The following PYGB variants were observed in gnomAD, a reference collection of about 807,000 sequenced individuals.
PYGB encodes the protein glycogen phosphorylase B.
A neutral mutation model predicts 94.3 loss-of-function variants in PYGB; 82 were observed. The observed-to-expected ratio is 0.87, with a 90% CI of 0.73 to 1.04. The LOEUF is 1.04. Among genes scored for constraint, PYGB ranks in the 50% least tolerant of loss-of-function variants. The pLI is 0.00. For synonymous variants in PYGB, 488 were observed against 479.1 expected (o/e 1.02, Z -0.24); for missense variants, 1,132 against 1,158.2 (o/e 0.98, Z 0.33).
intron 11 of PYGB, 30 bp from the exon 12 acceptor site, chr20:25,282,003 G>T (rs202153402): frequency 6.4e-7 from 1 of 1,560,518 alleles, no homozygotes; most frequent in Non-Finnish European, 8.8e-7. Flanking sequence ...CACAGCATTT[G>T]TGACAGTTCC....
chr20:25,284,468 G>A (rs1044882928), intron 14 of PYGB, among the ~76,000 whole-genome samples: 4 of 152,170 alleles, frequency 2.6e-5, no homozygotes, highest in Non-Finnish European at 4.4e-5. Flanking sequence ...TTAGACACCC[G>A]AAAGGCCCAG....
chr20:25,292,451 C>T lies in PYGB; in HGVS notation c.2015C>T (p.Thr672Ile), dbSNP rs772770448. 1 of 1,613,366 alleles carries T rather than the reference C, an allele frequency of 6.2e-7. No homozygotes were observed. Among genetic ancestry groups the T allele is most frequent in the Non-Finnish European group, 8.5e-7 (1 of 1,180,012 alleles). Residue 672 changes from threonine to isoleucine, a missense_variant, in exon 17 of 20, where the codon ACC (threonine) becomes ATC (isoleucine). Thr to Ile is a moderately conservative substitution (Grantham distance 89, BLOSUM62 -1). Coordinates refer to ENST00000216962, the MANE Select transcript of PYGB (RefSeq NM_002862.4). Reference sequence around the variant, plus strand: ...TCGCAGCAGATCTCCACTGCAGGCACCGAGGCCTCAGGCACAGGCAACATG... The same window carrying T: ...TCGCAGCAGATCTCCACTGCAGGCATCGAGGCCTCAGGCACAGGCAACATG... ...DLSQQISTAG[T>I]EASGTGNMKF... is the part of the protein sequence containing the mutation.
chr20:25,276,539 G>C lies in PYGB; in HGVS notation c.661-107G>C, dbSNP rs2088312387. On this transcript the variant is annotated intron_variant, in intron 5 of 19. Coordinates refer to ENST00000216962, the MANE Select transcript of PYGB (RefSeq NM_002862.4). ...TTGGGCAGAAGGGGGAGACGGTGGG[G>C]GGCCAGCAGGGCGCCAGGTGCCCAG... The C allele has an allele frequency of 1.5e-5, 13 of 849,008 alleles. No individual in the cohort carries two copies. The South Asian group carries it at 1.9e-4, about 13-fold the overall frequency. The allele number at this position is 849,008 out of a possible 1,614,324, so 52.6% of individuals were successfully genotyped here.
intron 9 of PYGB, among the ~76,000 whole-genome samples, chr20:25,279,650 G>A (rs1264875145): frequency 3.9e-5 from 6 of 152,000 alleles, no homozygotes; most frequent in Admixed American, 6.6e-5. Flanking sequence ...GCTTGAGGCC[G>A]GAAGTTAGAG....
chr20:25,268,161 G>GCCCCAC (rs1555806063), intron 2 of PYGB, among the ~76,000 whole-genome samples: 2 of 62,038 alleles, frequency 3.2e-5, no homozygotes, highest in Non-Finnish European at 6.2e-5. Context: ...CCTAGCACCC[G>GCCCCAC]CCCCCCCCCC....
chr20:25,248,606 C>A (rs1198864212), intron 1 of PYGB, among the ~76,000 whole-genome samples, 185 bp downstream of exon 1: 1 of 151,976 alleles, frequency 6.6e-6, no homozygotes, highest in African/African-American at 2.4e-5. Flanking sequence ...CCGGGCGTCC[C>A]CTGCGCAGGG....
chr20:25,278,274 A>G, intron 7 of PYGB, 45 bp from the exon 8 acceptor site: 1 of 1,584,746 alleles, frequency 6.3e-7, no homozygotes, highest in Non-Finnish European at 8.6e-7. Context: ...CTGGGGGAGG[A>G]GAATGGCCCA....
intron 1 of PYGB, among the ~76,000 whole-genome samples, chr20:25,255,358 G>A (rs1365664752): frequency 6.6e-6 from 1 of 152,224 alleles, no homozygotes; most frequent in Non-Finnish European, 1.5e-5. Context: ...TCACCAGCAG[G>A]AGCCAGCAGG....
chr20:25,270,253 A>C (rs1456264169), intron 3 of PYGB, among the ~76,000 whole-genome samples: 3 of 134,800 alleles, frequency 2.2e-5, no homozygotes, highest in Non-Finnish European at 4.6e-5. Flanking sequence ...GCCAGGCTGG[A>C]GTGCAGTGGG....
intron 1 of PYGB, among the ~76,000 whole-genome samples, chr20:25,256,932 T>TA (rs1399118947): frequency 2.0e-5 from 3 of 152,094 alleles, no homozygotes; most frequent in African/African-American, 7.2e-5. Context: ...AAAAGTCTGG[T>TA]ATGGTGAGGG....
intron 1 of PYGB, among the ~76,000 whole-genome samples, chr20:25,257,361 A>G (rs188914058): frequency 7.2e-5 from 11 of 152,318 alleles, no homozygotes; most frequent in African/African-American, 1.7e-4. Context: ...AACCTGGACA[A>G]TTGGAGACGC....
chr20:25,256,502 AAAAAAACAAAAAC>A (rs1262004237), intron 1 of PYGB, among the ~76,000 whole-genome samples: 2 of 147,484 alleles, frequency 1.4e-5, no homozygotes, highest in South Asian at 2.1e-4. Flanking sequence ...TCTCAAAAAA[AAAAAAACAAAAAC>A]AAAAACAAAA....
rs1404428295 is a variant in PYGB, at chr20:25,282,114, G to A, written c.1485G>A (p.Leu495=). ...TCACCCCCCGCCGGTGGCTGCTGCT[G>A]TGCAACCCGGGGCTGGCCGATACCA... ...NGITPRRWLL[L]CNPGLADTIV... is the part of the protein sequence containing the mutation. Residue 495 remains leucine, a synonymous_variant, in exon 12 of 20, where the codon CTG becomes CTA. Transcript: ENST00000216962. 3 of 1,613,688 alleles carry A rather than the reference G, an allele frequency of 1.9e-6. No homozygotes were observed. Among genetic ancestry groups the A allele is most frequent in the South Asian group, 1.1e-5 (1 of 91,078 alleles).
At chr20:25,295,919 C>T (rs2088535538) in intron 19 of PYGB, among the ~76,000 whole-genome samples, 2 of 152,180 alleles carry the variant, frequency 1.3e-5, no homozygotes, top group Middle Eastern at 3.2e-3. Context: ...AACTGAGTGA[C>T]GGGCAGGGCC....
At position 25,280,046 on chromosome 20, in the gene PYGB, G is replaced by C. The variant is rs142861428; in HGVS notation, c.1093-220G>C. On this transcript the variant is annotated intron_variant, in intron 9 of 19. Transcript: ENST00000216962. ...TGTGTGTCACGCACTGGACCATAAT[G>C]TCACACTTCAGTGGGTTGCGTCAGC... 3.7e-4 allele frequency among the ~76,000 whole-genome samples: 56 copies of C among 152,376 alleles called. No homozygotes were observed. The East Asian group carries it at 9.6e-3, about 26-fold the overall frequency.
Position 25,248,337 on chromosome 20 carries a change from C to T in PYGB, c.159C>T (p.Phe53=), listed in dbSNP as rs1476406022. The change falls in exon 1 of 20, where the codon TTC becomes TTT. Residue 53 remains phenylalanine (F), a synonymous_variant. Transcript: ENST00000216962. ...ATGTGGCCACGCCCCGCGACTACTT[C>T]TTCGCGCTGGCGCACACGGTGCGCG... is the stretch of plus-strand genomic sequence containing the variant. ...DRNVATPRDY[F]FALAHTVRDH... 6.9e-6 allele frequency: 11 copies of T among 1,603,460 alleles called. No homozygotes were observed. Among genetic ancestry groups the T allele is most frequent in the Admixed American group, 3.4e-5 (2 of 58,568 alleles).
intron 2 of PYGB, among the ~76,000 whole-genome samples, chr20:25,263,896 A>G (rs2123532241): frequency 6.6e-6 from 1 of 152,342 alleles, no homozygotes; most frequent in Admixed American, 6.5e-5. Context: ...ATTCCAATCA[A>G]TAGAAAAAGA....
At chr20:25,285,478 C>G (rs147009414) in intron 14 of PYGB, 5 of 151,812 alleles carry the variant, frequency 3.3e-5, no homozygotes, top group African/African-American at 1.2e-4. Flanking sequence ...CACCCCCAGT[C>G]GTCAGTTGTT....
intron 2 of PYGB, among the ~76,000 whole-genome samples, chr20:25,264,790 TG>T (rs998328668): frequency 2.0e-5 from 3 of 152,118 alleles, no homozygotes; most frequent in Non-Finnish European, 4.4e-5. Flanking sequence ...CACAAACAAA[TG>T]GAAGAACATT....
Sources: gnomAD v4.1 joint callset for allele counts (sites outside exome capture counted in the v4.1 genomes callset) on GRCh38, gnomAD v4.1.1 for gene constraint, MANE v1.5 for transcripts, NCBI Gene and HGNC (gene_info 2026-07-23, HGNC 2026-07-21) for gene names.